MRPL4: variants seen among roughly 807,000 people sequenced by gnomAD.
The protein encoded by MRPL4 is mitochondrial ribosomal protein L4.
In MRPL4, 34 loss-of-function variants were observed where a neutral mutation model predicts 34.1. The ratio of observed to expected loss-of-function variants is 1.00; its 90% confidence interval spans 0.76 to 1.33. The LOEUF (loss-of-function observed/expected upper bound fraction) is 1.33, where lower values mean the gene tolerates loss of function less well. Ranked by LOEUF, MRPL4 falls within the 40% of genes most tolerant of loss-of-function variation. The pLI is 0.00. For synonymous variants in MRPL4, 196 were observed against 188.3 expected, an observed-to-expected ratio of 1.04 and a Z score of -0.33; for missense variants, 402 against 434.6, an observed-to-expected ratio of 0.92 and a Z score of 0.67.
chr19:10,259,694 C>T lies in MRPL4; in HGVS notation c.817C>T (p.Leu273=), dbSNP rs202218040. 6.2e-7 allele frequency: 1 copy of T among 1,612,536 alleles called. No homozygotes were observed. The highest frequency in any genetic ancestry group is 1.1e-5 in the South Asian group (1 of 90,962). Residue 273 remains leucine, a synonymous_variant, in exon 9 of 9, where the codon CTG becomes TTG. Transcript: ENST00000253099. ...CACCGTCGCCTTCCTGGAGGACAAG[C>T]TGCTCTGGCAGGACTCACGTTACAG... ...LPTVAFLEDK[L]LWQDSRYRPL...
intron 5 of MRPL4, among the ~76,000 whole-genome samples, chr19:10,257,472 C>T (rs1446924931): frequency 6.6e-6 from 1 of 152,112 alleles, no homozygotes. Context: ...CCACATCCCC[C>T]GGAGCTACCC....
chr19:10,259,228 G>T, intron 8 of MRPL4: 1 of 1,291,938 alleles, frequency 7.7e-7, no homozygotes, highest in Non-Finnish European at 9.8e-7. Flanking sequence ...CACGCCCCTC[G>T]CTGGCTTCCC....
chr19:10,256,636 G>A, intron 4 of MRPL4, 72 bp from the exon 5 acceptor site: 2 of 1,305,450 alleles, frequency 1.5e-6, no homozygotes, highest in Non-Finnish European at 2.2e-6. Context: ...ACTTCCCCGT[G>A]GCAGGACTGA....
intron 5 of MRPL4, 101 bp downstream of exon 5, chr19:10,256,926 G>A: frequency 1.0e-6 from 1 of 996,742 alleles, no homozygotes; most frequent in Non-Finnish European, 1.4e-6. Flanking sequence ...ATGGTATTAT[G>A]TCAGCCCTGT....
rs775587542 is a variant in MRPL4, at chr19:10,259,800, C to G, written c.923C>G (p.Pro308Arg). ...PHATQGPAAT[P>R]YHC Reference sequence around the variant, plus strand: ...GCTACCCAGGGCCCAGCGGCCACCCCGTACCACTGTTGATGTGAAGCACCT... The same window carrying G: ...GCTACCCAGGGCCCAGCGGCCACCCGGTACCACTGTTGATGTGAAGCACCT... The change falls in exon 9 of 9, where the codon CCG becomes CGG. Residue 308 changes from proline to arginine, a missense_variant. Coordinates refer to ENST00000253099, the MANE Select transcript of MRPL4 (RefSeq NM_015956.3). The G allele has an allele frequency of 1.2e-6, 2 of 1,610,146 alleles. No individual in the cohort carries two copies. Among genetic ancestry groups the G allele is most frequent in the Non-Finnish European group, 1.7e-6 (2 of 1,177,354 alleles).
chr19:10,257,969 C>T (rs996319581), intron 5 of MRPL4, among the ~76,000 whole-genome samples: 3 of 152,030 alleles, frequency 2.0e-5, no homozygotes, highest in Admixed American at 1.3e-4. Context: ...TCCTCAGCCT[C>T]CCAAAATGCT....
At chr19:10,257,292 T>C (rs1317309477) in intron 5 of MRPL4, among the ~76,000 whole-genome samples, 1 of 152,162 alleles carries the variant, frequency 6.6e-6, no homozygotes, top group Non-Finnish European at 1.5e-5. Context: ...TGACTCTCTC[T>C]TGTTTTTTCG....
chr19:10,254,574 CCTT>C lies in MRPL4; in HGVS notation c.276-13_276-11del. ...AAGCAGAGTTGGGCTTCTCATGTGT[CCTT>C]CCTCCCCGCAGGCTGGACATACTGC... is the stretch of plus-strand genomic sequence containing the variant. On this transcript the variant is annotated splice_polypyrimidine_tract_variant and intron_variant, in intron 3 of 8. Coordinates refer to ENST00000253099, the MANE Select transcript of MRPL4 (RefSeq NM_015956.3). 1 of 1,613,268 alleles carries C rather than the reference CCTT, an allele frequency of 6.2e-7. No individual in the cohort carries two copies. The highest frequency in any genetic ancestry group is 1.1e-5 in the South Asian group (1 of 91,010).
rs767939698 is a variant in MRPL4 at position 10,258,318 on chromosome 19, A to C, written c.542A>C (p.Lys181Thr). Residue 181 changes from lysine (K) to threonine (T), a missense_variant, in exon 6 of 9, where the codon AAG becomes ACG. Transcript: ENST00000253099. Reference sequence around the variant, plus strand: ...GGTCTCAAAGTGGCACTGACCGTCAAGCTGGCCCAGGTACAGCCATGGGGG... The same window carrying C: ...GGTCTCAAAGTGGCACTGACCGTCACGCTGGCCCAGGTACAGCCATGGGGG... ...ALGLKVALTVKLAQDDLHIMD... is the reference protein window; with the variant it reads ...ALGLKVALTVTLAQDDLHIMD... 2 of 1,613,980 alleles carry C rather than the reference A, an allele frequency of 1.2e-6. No individual in the cohort carries two copies. The highest frequency in any genetic ancestry group is 2.2e-5 in the South Asian group (2 of 91,082).
chr19:10,252,908 G>A (rs2039809060), intron 3 of MRPL4: 2 of 721,542 alleles, frequency 2.8e-6, no homozygotes, highest in African/African-American at 3.5e-5. Context: ...TCATCTAAGG[G>A]TTAGGGAGAC....
At chr19:10,255,961 C>T (rs929787719) in intron 4 of MRPL4, among the ~76,000 whole-genome samples, 5 of 152,012 alleles carry the variant, frequency 3.3e-5, no homozygotes, top group African/African-American at 9.7e-5. Flanking sequence ...GCCTAGTCAA[C>T]GTGGCAAAAC....
chr19:10,254,832 TCTCA>T (rs1013910646), intron 4 of MRPL4, 192 bp downstream of exon 4: 4 of 468,584 alleles, frequency 8.5e-6, no homozygotes, highest in Non-Finnish European at 1.5e-5. Flanking sequence ...GGAGATGGAG[TCTCA>T]CTCTGTCACC....
chr19:10,259,124 A>AAT lies in MRPL4; in HGVS notation c.739+440_739+441insTA, dbSNP rs2039882382. The AAT allele has an allele frequency of 4.7e-6, 6 of 1,274,716 alleles. No homozygotes were observed. The South Asian group carries it at 1.2e-4, about 25-fold the overall frequency. The allele number at this position is 1,274,716 out of a possible 1,614,324, so 79.0% of individuals were successfully genotyped here. A position where few individuals can be genotyped will look rare whatever the true frequency, so the allele number is the denominator to read the frequency against. On this transcript the variant is annotated intron_variant, in intron 8 of 8. Coordinates refer to ENST00000253099, the MANE Select transcript of MRPL4 (RefSeq NM_015956.3). ...AAAAAAAAAAAAAAAAAAAAAAAAA[A>AAT]AGCTCCAAAGTCACCTCTGTCAAAG...
At chr19:10,255,824 C>T (rs1212903748) in intron 4 of MRPL4, 2 of 152,384 alleles carry the variant, frequency 1.3e-5, no homozygotes, top group African/African-American at 2.4e-5. Flanking sequence ...ATGGCCCTCC[C>T]TCCTTGTGGC....
At chr19:10,259,543 C>G in intron 8 of MRPL4, 74 bp from the exon 9 acceptor site, 1 of 1,536,752 alleles carries the variant, frequency 6.5e-7, no homozygotes, top group Non-Finnish European at 8.7e-7. Flanking sequence ...AAAGGGACTC[C>G]GATGTGGGTG....
At chr19:10,259,032 A>G in intron 8 of MRPL4, 2 of 1,392,868 alleles carry the variant, frequency 1.4e-6, no homozygotes, top group African/African-American at 1.5e-5. Flanking sequence ...TCAGGGGGCC[A>G]AGGCTGCAGT....
chr19:10,258,066 T>C (rs1226425168), intron 5 of MRPL4, among the ~76,000 whole-genome samples, 156 bp from the exon 6 acceptor site: 1 of 152,036 alleles, frequency 6.6e-6, no homozygotes, highest in Non-Finnish European at 1.5e-5. Flanking sequence ...TGGTCCCATG[T>C]TGTCCCTGAT....
chr19:10,252,822 C>G, intron 3 of MRPL4, 121 bp downstream of exon 3: 1 of 1,331,108 alleles, frequency 7.5e-7, no homozygotes, highest in Non-Finnish European at 1.0e-6. Context: ...GCCTCCGTTT[C>G]TCCACCTGTC....
chr19:10,253,470 CAAAAAAA>C (rs571009042), intron 3 of MRPL4, among the ~76,000 whole-genome samples: 22 of 103,018 alleles, frequency 2.1e-4, no homozygotes, highest in Admixed American at 2.0e-3. Flanking sequence ...CACTCTGTCT[CAAAAAAA>C]AAAAAAAAAA....
Sources: allele counts gnomAD v4.1 joint callset (sites outside exome capture counted in the v4.1 genomes callset), GRCh38; gene constraint gnomAD v4.1.1; transcripts MANE v1.5; gene names NCBI Gene and HGNC (gene_info 2026-07-23, HGNC 2026-07-21).